AGPAT4: variants seen among roughly 807,000 people sequenced by gnomAD.
AGPAT4 encodes the protein 1-acyl-sn-glycerol-3-phosphate acyltransferase delta.
Under a neutral mutation model 48.0 loss-of-function variants are expected in AGPAT4, and 15 were observed. The ratio of observed to expected loss-of-function variants is 0.31; its 90% CI spans 0.21 to 0.48. The LOEUF is 0.48. Ranked by LOEUF, AGPAT4 falls within the 20% of genes least tolerant of loss-of-function variation. The probability of loss-of-function intolerance (pLI) is 0.99; values close to 1 mark genes in which losing one functional copy is unlikely to be tolerated. For synonymous variants in AGPAT4, 178 were observed against 198.7 expected, an observed-to-expected ratio of 0.90 and a Z score of 0.88; for missense variants, 314 against 482.5, an observed-to-expected ratio of 0.65 and a Z score of 3.27.
rs933158042 is a variant in AGPAT4 at position 161,264,713 on chromosome 6, G to A, written c.-90+9225C>T. On this transcript the variant is annotated intron_variant, in intron 1 of 8. Coordinates refer to ENST00000320285, the MANE Select transcript of AGPAT4 (RefSeq NM_020133.3). The surrounding 1 kb of genome is among the most constrained non-coding windows in gnomAD (Gnocchi z 6.8). ...TGAATGCACGGGCTCCCTAAGAAAC[G>A]CTGAAAGGGGATTCTGGAGTTGGGT... Among the ~76,000 whole-genome samples the A allele has an allele frequency of 3.3e-5, 5 of 152,242 alleles. No individual in the cohort carries two copies. The highest frequency in any genetic ancestry group is 5.9e-5 in the Non-Finnish European group (4 of 67,988).
chr6:161,168,121 C>T lies in AGPAT4; in HGVS notation c.179-1704G>A, dbSNP rs1008759301. 1.3e-4 allele frequency among the ~76,000 whole-genome samples: 15 copies of T among 119,790 alleles called. 1 individual carries two copies. The highest frequency in any genetic ancestry group is 3.1e-4 in the Admixed American group (4 of 12,856). 78.6% of individuals were successfully genotyped at this position (119,790 alleles called of 152,430 possible). ...GGAGTTGGTTGTGGGGGCAGGAAGG[C>T]GGTGGTGGGGTGGGGGGCTAGGGTA... On this transcript the variant is annotated intron_variant, in intron 2 of 8. Coordinates refer to ENST00000320285, the MANE Select transcript of AGPAT4 (RefSeq NM_020133.3).
chr6:161,237,628 T>C (rs1258658925), intron 1 of AGPAT4, among the ~76,000 whole-genome samples: 1 of 152,242 alleles, frequency 6.6e-6, no homozygotes, highest in Non-Finnish European at 1.5e-5. Context: ...TGTAAAATAA[T>C]AATGTGTGCA....
rs1352473650 is a variant in AGPAT4 at position 161,215,601 on chromosome 6, A to G, written c.178+16435T>C. On this transcript the variant is annotated intron_variant, in intron 2 of 8. Transcript: ENST00000320285. The surrounding 1 kb of genome is among the most constrained non-coding windows in gnomAD (Gnocchi z 4.5). ...GCTCTTTTTGAACCTAAAACATTCT[A>G]GTCTTTATATTCTGAAGCCTAGCAC... Among the ~76,000 whole-genome samples the G allele has an allele frequency of 2.0e-5, 3 of 151,992 alleles. No individual in the cohort carries two copies. Among genetic ancestry groups the G allele is most frequent in the Admixed American group, 6.6e-5 (1 of 15,258 alleles).
Position 161,189,194 on chromosome 6 carries a change from G to A in AGPAT4, c.179-22777C>T, listed in dbSNP as rs1002570931. ...GGCATGCAACAGTGTTGCTAAACCCGGATTGTCTGGCAGCCCTGGGAAGAC... is the reference window on the plus strand; with the variant it reads ...GGCATGCAACAGTGTTGCTAAACCCAGATTGTCTGGCAGCCCTGGGAAGAC... On this transcript the variant is annotated intron_variant, in intron 2 of 8. Coordinates refer to ENST00000320285, the MANE Select transcript of AGPAT4 (RefSeq NM_020133.3). This position sits in a 1 kb window ranked among gnomAD's most constrained non-coding sequence, Gnocchi z 5.3. Among the ~76,000 whole-genome samples, 15 of 152,126 alleles carry A rather than the reference G, an allele frequency of 9.9e-5. No homozygotes were observed. The highest frequency in any genetic ancestry group is 2.1e-4 in the South Asian group (1 of 4,826).
chr6:161,188,512 C>G (rs1325472897), intron 2 of AGPAT4, among the ~76,000 whole-genome samples: 5 of 152,070 alleles, frequency 3.3e-5, no homozygotes, highest in African/African-American at 1.2e-4. Context: ...ACAAGGTACC[C>G]CATTACATTT....
At position 161,249,753 on chromosome 6, in the gene AGPAT4, A is replaced by G. The variant is rs1257114176; in HGVS notation, c.-89-17451T>C. 6.6e-6 allele frequency among the ~76,000 whole-genome samples: 1 copy of G among 152,202 alleles called. No homozygotes were observed. The highest frequency in any genetic ancestry group is 1.5e-5 in the Non-Finnish European group (1 of 68,044). ...AACCATTGTGGAAAACAGTGTCGCA[A>G]TTCCTCAAAGACCTAAAAACAGAAA... is the stretch of plus-strand genomic sequence containing the variant. On this transcript the variant is annotated intron_variant, in intron 1 of 8. Transcript: ENST00000320285. The surrounding 1 kb of genome is among the most constrained non-coding windows in gnomAD (Gnocchi z 6.2).
At chr6:161,227,518 A>G (rs1295581356) in intron 2 of AGPAT4, among the ~76,000 whole-genome samples, 1 of 152,178 alleles carries the variant, frequency 6.6e-6, no homozygotes, top group Non-Finnish European at 1.5e-5. Context: ...TAGTAATCAC[A>G]TGACTTGCTC....
intron 2 of AGPAT4, among the ~76,000 whole-genome samples, chr6:161,205,761 T>TAATAATAAC (rs71004032): frequency 0.13 from 19,567 of 148,884 alleles, 1,533 homozygotes; most frequent in African/African-American, 0.22. Context: ...ATAATAATAA[T>TAATAATAAC]AACAACAAAC....
intron 2 of AGPAT4, among the ~76,000 whole-genome samples, chr6:161,190,586 GGA>G (rs1491097008): frequency 8.9e-4 from 83 of 93,764 alleles, no homozygotes; most frequent in African/African-American, 4.6e-3. Context: ...AGAAACCAAG[GGA>G]AAAAAAAAAA....
intron 5 of AGPAT4, among the ~76,000 whole-genome samples, chr6:161,151,751 G>A (rs1341622220): frequency 6.6e-6 from 1 of 152,250 alleles, no homozygotes; most frequent in Non-Finnish European, 1.5e-5. Context: ...GAGGAAACAG[G>A]ATTCAGTGAG....
Position 161,232,253 on chromosome 6 carries a change from A to G in AGPAT4, c.-40T>C, listed in dbSNP as rs755860937. On this transcript the variant is annotated 5_prime_UTR_variant, in exon 2 of 9. Coordinates refer to ENST00000320285, the MANE Select transcript of AGPAT4 (RefSeq NM_020133.3). This position sits in a 1 kb window ranked among gnomAD's most constrained non-coding sequence, Gnocchi z 6.8. The stretch of plus-strand genomic sequence containing the variant: ...CTTATTCAGAAATAAATAACTACCC[A>G]CAGTCAAAGATTTCCAGAAGGAAGA... The G allele has an allele frequency of 6.4e-7, 1 of 1,568,966 alleles. No individual in the cohort carries two copies. Among genetic ancestry groups the G allele is most frequent in the Non-Finnish European group, 8.7e-7 (1 of 1,151,674 alleles).
In AGPAT4 at chr6:161,261,334, G is replaced by A. The variant is rs556020199; in HGVS notation, c.-90+12604C>T. On this transcript the variant is annotated intron_variant, in intron 1 of 8. Coordinates refer to ENST00000320285, the MANE Select transcript of AGPAT4 (RefSeq NM_020133.3). This position sits in a 1 kb window ranked among gnomAD's most constrained non-coding sequence, Gnocchi z 5.3. ...CCTGGGCCACATGACGTTGACAAGT[G>A]CTATTTCCCTTCGTGTGTATATCTG... is the stretch of plus-strand genomic sequence containing the variant. Among the ~76,000 whole-genome samples, 1 of 152,352 alleles carries A rather than the reference G, an allele frequency of 6.6e-6. No individual in the cohort carries two copies. The highest frequency in any genetic ancestry group is 1.9e-4 in the East Asian group (1 of 5,182).
rs892558269 is a variant in AGPAT4, at chr6:161,273,926, A to G, written c.-90+12T>C. 1.3e-5 allele frequency: 2 copies of G among 152,158 alleles called. No individual in the cohort carries two copies. Among genetic ancestry groups the G allele is most frequent in the African/African-American group, 2.4e-5 (1 of 41,394 alleles). 9.4% of individuals were successfully genotyped at this position (152,158 alleles called of 1,614,324 possible). A position where few individuals can be genotyped will look rare whatever the true frequency, so the allele number is the denominator to read the frequency against. On this transcript the variant is annotated intron_variant, in intron 1 of 8. Coordinates refer to ENST00000320285, the MANE Select transcript of AGPAT4 (RefSeq NM_020133.3). ...GGGGAAGGTGCCTGCGAACGGCACC[A>G]GGACCACATACCTCCTTCCTGGCAG...
chr6:161,168,994 T>C (rs957040452), intron 2 of AGPAT4, among the ~76,000 whole-genome samples: 9 of 152,178 alleles, frequency 5.9e-5, no homozygotes, highest in African/African-American at 1.9e-4. Context: ...ACATGGGGCA[T>C]AGCAGGCAAT....
rs1295673050 is a variant in AGPAT4, at chr6:161,246,810, A to G, written c.-89-14508T>C. ...CTTCTTACAGAACAGATGCTCAATAAATACTGATTCCATCTGAGTCTCTAG... is the reference window on the plus strand; with the variant it reads ...CTTCTTACAGAACAGATGCTCAATAGATACTGATTCCATCTGAGTCTCTAG... On this transcript the variant is annotated intron_variant, in intron 1 of 8. Coordinates refer to ENST00000320285, the MANE Select transcript of AGPAT4 (RefSeq NM_020133.3). The surrounding 1 kb of genome is among the most constrained non-coding windows in gnomAD (Gnocchi z 5.5). Among the ~76,000 whole-genome samples, 3 of 152,204 alleles carry G rather than the reference A, an allele frequency of 2.0e-5. No individual in the cohort carries two copies. Among genetic ancestry groups the G allele is most frequent in the African/African-American group, 7.2e-5 (3 of 41,456 alleles).
At position 161,137,923 on chromosome 6, in the gene AGPAT4, C is replaced by T. The variant is rs971472512; in HGVS notation, c.1043-1289G>A. Reference sequence around the variant, plus strand: ...GGAGACGCCCTGTGTCCACACTGCACCCTGGGCAGTGCTCAGGCTTCTTTT... The same window carrying T: ...GGAGACGCCCTGTGTCCACACTGCATCCTGGGCAGTGCTCAGGCTTCTTTT... On this transcript the variant is annotated intron_variant, in intron 8 of 8. Coordinates refer to ENST00000320285, the MANE Select transcript of AGPAT4 (RefSeq NM_020133.3). The surrounding 1 kb of genome is among the most constrained non-coding windows in gnomAD (Gnocchi z 6.1). 2.0e-5 allele frequency among the ~76,000 whole-genome samples: 3 copies of T among 152,200 alleles called. No homozygotes were observed. Among genetic ancestry groups the T allele is most frequent in the Admixed American group, 6.5e-5 (1 of 15,280 alleles).
chr6:161,146,379 C>T lies in AGPAT4; in HGVS notation c.843+145G>A. ...AAATATTTTGTCATGTTCTTCATTG[C>T]CAAGAGAGGGTCAGCTCCAGACTCA... On this transcript the variant is annotated intron_variant, in intron 7 of 8. Transcript: ENST00000320285. This position sits in a 1 kb window ranked among gnomAD's most constrained non-coding sequence, Gnocchi z 7.1. The T allele has an allele frequency of 1.5e-6, 1 of 669,820 alleles. No individual in the cohort carries two copies. The highest frequency in any genetic ancestry group is 1.9e-5 in the South Asian group (1 of 53,364). The allele number at this position is 669,820 out of a possible 1,614,324, so 41.5% of individuals were successfully genotyped here. A position where few individuals can be genotyped will look rare whatever the true frequency, so the allele number is the denominator to read the frequency against.
rs1245443564 is a variant in AGPAT4 at position 161,242,881 on chromosome 6, A to C, written c.-89-10579T>G. Among the ~76,000 whole-genome samples the C allele has an allele frequency of 6.6e-6, 1 of 152,100 alleles. No homozygotes were observed. The highest frequency in any genetic ancestry group is 2.4e-5 in the African/African-American group (1 of 41,414). ...TCAGGAGATCGAGGCCAGCCTGGCC[A>C]ACATAGTGAAACCCCGTCTCTACTA... is the stretch of plus-strand genomic sequence containing the variant. On this transcript the variant is annotated intron_variant, in intron 1 of 8. Coordinates refer to ENST00000320285, the MANE Select transcript of AGPAT4 (RefSeq NM_020133.3). This position sits in a 1 kb window ranked among gnomAD's most constrained non-coding sequence, Gnocchi z 5.0.
In AGPAT4 at chr6:161,196,068, T is replaced by A. The variant is rs1420488682; in HGVS notation, c.179-29651A>T. Among the ~76,000 whole-genome samples, 1 of 152,118 alleles carries A rather than the reference T, an allele frequency of 6.6e-6. No individual in the cohort carries two copies. Among genetic ancestry groups the A allele is most frequent in the East Asian group, 1.9e-4 (1 of 5,186 alleles). On this transcript the variant is annotated intron_variant, in intron 2 of 8. Coordinates refer to ENST00000320285, the MANE Select transcript of AGPAT4 (RefSeq NM_020133.3). This position sits in a 1 kb window ranked among gnomAD's most constrained non-coding sequence, Gnocchi z 4.3. Reference sequence around the variant, plus strand: ...TAGGATTTGCATAACTTAATGAGGCTTAATGACCCACCATCCCAAGACAGA... The same window carrying A: ...TAGGATTTGCATAACTTAATGAGGCATAATGACCCACCATCCCAAGACAGA...
Sources: allele counts gnomAD v4.1 joint callset (sites outside exome capture counted in the v4.1 genomes callset), GRCh38; gene constraint gnomAD v4.1.1; non-coding constraint Gnocchi (gnomAD v3.1); transcripts MANE v1.5; gene names NCBI Gene and HGNC (gene_info 2026-07-23, HGNC 2026-07-21).